Variants in ABLIM2 observed in about 807,000 individuals in gnomAD.
ABLIM2 encodes actin binding LIM protein family member 2.
Under a neutral mutation model 97.7 loss-of-function variants are expected in ABLIM2, and 53 were observed. That is an observed-to-expected ratio of 0.54 (90% CI 0.44 to 0.68). The LOEUF (loss-of-function observed/expected upper bound fraction) is 0.68. ABLIM2 is among the 30% of genes least tolerant of loss of function. The pLI, the probability that ABLIM2 is intolerant of heterozygous loss-of-function variation, is 0.00. For missense variants in ABLIM2, 835 were observed against 867.2 expected (o/e 0.96, Z 0.47); for synonymous variants, 361 against 345.8 (o/e 1.04, Z -0.49).
In ABLIM2 at chr4:8,019,534, A is replaced by C. The variant is rs931814656; in HGVS notation, c.1423+84T>G. ...GTGCCTTCACTGCATTTATCAGAAC[A>C]CAACAAAAGGATGCATTCAGAAGCA... On this transcript the variant is annotated intron_variant, in intron 14 of 20. Transcript: ENST00000447017. This position sits in a 1 kb window ranked among gnomAD's most constrained non-coding sequence, Gnocchi z 4.3. 2.5e-5 allele frequency: 35 copies of C among 1,373,924 alleles called. No individual in the cohort carries two copies. The highest frequency in any genetic ancestry group is 3.3e-5 in the Non-Finnish European group (33 of 989,216). 85.1% of individuals were successfully genotyped at this position (1,373,924 alleles called of 1,614,324 possible).
At position 8,082,031 on chromosome 4, in the gene ABLIM2, G is replaced by A. The variant is rs1820207333; in HGVS notation, c.455-1229C>T. On this transcript the variant is annotated intron_variant, in intron 4 of 20. Transcript: ENST00000447017. The surrounding 1 kb of genome is among the most constrained non-coding windows in gnomAD (Gnocchi z 5.6). ...TGTGTCTGTGTGTTTGTCGAAGTGTGTGTCTGCGTGTGTTTAAGGGTGTGG... is the reference window on the plus strand; with the variant it reads ...TGTGTCTGTGTGTTTGTCGAAGTGTATGTCTGCGTGTGTTTAAGGGTGTGG... Among the ~76,000 whole-genome samples the A allele has an allele frequency of 6.6e-6, 1 of 152,186 alleles. No individual in the cohort carries two copies. The highest frequency in any genetic ancestry group is 2.1e-4 in the South Asian group (1 of 4,820).
intron 6 of ABLIM2, among the ~76,000 whole-genome samples, chr4:8,074,700 G>A (rs115622568): frequency 9.2e-4 from 140 of 151,494 alleles, no homozygotes; most frequent in African/African-American, 3.2e-3. Context: ...AAGGGTGTTC[G>A]CTGCAATGTT....
rs374151769 is a variant in ABLIM2, at chr4:8,031,618, C to A, written c.1048-1842G>T. ...TCCTCCTGCACCTCATAGTGCGTGA[C>A]CCTGGAAAGGTTATGTGACTTCCCT... On this transcript the variant is annotated intron_variant, in intron 10 of 20. Coordinates refer to ENST00000447017, the MANE Select transcript of ABLIM2 (RefSeq NM_001130083.2). Among the ~76,000 whole-genome samples the A allele has an allele frequency of 5.0e-4, 76 of 152,292 alleles. 2 individuals are homozygous for A. In the South Asian group the frequency reaches 0.015, roughly 31 times the overall value.
At position 8,140,785 on chromosome 4, in the gene ABLIM2, A is replaced by G. The variant is rs1850858051; in HGVS notation, c.10+17895T>C. Among the ~76,000 whole-genome samples the G allele has an allele frequency of 6.6e-6, 1 of 152,132 alleles. No individual in the cohort carries two copies. The highest frequency in any genetic ancestry group is 2.4e-5 in the African/African-American group (1 of 41,412). On this transcript the variant is annotated intron_variant, in intron 1 of 20. Transcript: ENST00000447017. The surrounding 1 kb of genome is among the most constrained non-coding windows in gnomAD (Gnocchi z 5.9). ...GAGGGAAAGGGCTGACGATATTCAG[A>G]AAAGAGTGCATTTACCCCAGCTCCT...
At chr4:8,051,166 C>G (rs1181384272) in intron 8 of ABLIM2, among the ~76,000 whole-genome samples, 1 of 152,258 alleles carries the variant, frequency 6.6e-6, no homozygotes, top group Non-Finnish European at 1.5e-5. Context: ...CCAGCCACCC[C>G]CCACCCCGCC....
intron 3 of ABLIM2, 69 bp downstream of exon 3, chr4:8,097,030 A>T (rs1160923147): frequency 6.7e-7 from 1 of 1,493,966 alleles, no homozygotes; most frequent in African/African-American, 1.4e-5. Context: ...GAAGAAGGGA[A>T]GGGAGGGAGG....
chr4:8,142,632 T>TG (rs1851163499), intron 1 of ABLIM2, among the ~76,000 whole-genome samples: 1 of 152,102 alleles, frequency 6.6e-6, no homozygotes, highest in Non-Finnish European at 1.5e-5. Context: ...TGGTGCATGG[T>TG]GGGCGCTGGC....
chr4:7,984,974 C>T (rs1577941425), intron 17 of ABLIM2, 81 bp from the exon 18 acceptor site: 1 of 1,465,008 alleles, frequency 6.8e-7, no homozygotes, highest in Non-Finnish European at 9.3e-7. Context: ...GAGATGTGGC[C>T]CCTTGGAGGC....
At chr4:8,074,279 T>A (rs1222539699) in intron 6 of ABLIM2, among the ~76,000 whole-genome samples, 1 of 151,886 alleles carries the variant, frequency 6.6e-6, no homozygotes, top group Non-Finnish European at 1.5e-5. Flanking sequence ...TACAGCAAGA[T>A]CCCTGTCTCT....
chr4:7,983,251 GT>G lies in ABLIM2; in HGVS notation c.1824+12del. On this transcript the variant is annotated intron_variant, in intron 20 of 20. Transcript: ENST00000447017. ...GGGAAATGAGTCCCCTGCCCCGGCAGTCCCCCGCTTACCTCCAGTCTCGTCC... is the reference window on the plus strand; with the variant it reads ...GGGAAATGAGTCCCCTGCCCCGGCAGCCCCCGCTTACCTCCAGTCTCGTCC... The G allele has an allele frequency of 6.2e-6, 10 of 1,605,504 alleles. No individual in the cohort carries two copies. The highest frequency in any genetic ancestry group is 8.5e-6 in the Non-Finnish European group (10 of 1,176,552).
intron 1 of ABLIM2, among the ~76,000 whole-genome samples, chr4:8,107,212 G>A (rs1008873991): frequency 1.3e-5 from 2 of 152,264 alleles, no homozygotes; most frequent in African/African-American, 4.8e-5. Context: ...CCACAGTACA[G>A]GACATTTAAG....
chr4:8,145,753 C>T (rs868039740), intron 1 of ABLIM2, among the ~76,000 whole-genome samples: 17,044 of 127,482 alleles, frequency 0.13, 1,139 homozygotes, highest in African/African-American at 0.21. Flanking sequence ...CATACACACA[C>T]ACACACACAC....
chr4:7,976,607 G>A (rs1002362870), intron 20 of ABLIM2, among the ~76,000 whole-genome samples: 8 of 152,028 alleles, frequency 5.3e-5, no homozygotes, highest in Non-Finnish European at 1.0e-4. Context: ...TCCTTTGCAC[G>A]GGTACTTTGT....
intron 12 of ABLIM2, among the ~76,000 whole-genome samples, chr4:8,026,166 C>A (rs1469309639): frequency 5.3e-5 from 8 of 152,156 alleles, no homozygotes; most frequent in Non-Finnish European, 1.5e-5. Context: ...ACCACCATGC[C>A]CGGCGTTTTT....
intron 12 of ABLIM2, 123 bp from the exon 13 acceptor site, chr4:8,020,426 G>C (rs1257244148): frequency 4.6e-6 from 4 of 871,308 alleles, no homozygotes; most frequent in Non-Finnish European, 7.4e-6. Flanking sequence ...GAGCAGCCCA[G>C]ATCCCCTGCC....
chr4:8,100,366 C>G (rs34535472), intron 2 of ABLIM2, among the ~76,000 whole-genome samples: 11,185 of 152,172 alleles, frequency 0.074, 733 homozygotes, highest in African/African-American at 0.17. Flanking sequence ...TGACCTTGAC[C>G]AAGTTACTTA....
chr4:8,119,054 A>ACAGTCC (rs1387434362), intron 1 of ABLIM2, among the ~76,000 whole-genome samples: 4 of 152,172 alleles, frequency 2.6e-5, no homozygotes, highest in Non-Finnish European at 4.4e-5. Flanking sequence ...GGCTTTGTCT[A>ACAGTCC]CAGTCCCATG....
rs1156970592 is a variant in ABLIM2, at chr4:8,019,720, A to G, written c.1370-49T>C. ...AGGAGAGAACAGGAGGGTAAGCAGC[A>G]AGTTGTGATGGTTTCTGTTCTACAG... On this transcript the variant is annotated intron_variant, in intron 13 of 20. Coordinates refer to ENST00000447017, the MANE Select transcript of ABLIM2 (RefSeq NM_001130083.2). This position sits in a 1 kb window ranked among gnomAD's most constrained non-coding sequence, Gnocchi z 4.3. 3 of 1,534,112 alleles carry G rather than the reference A, an allele frequency of 2.0e-6. No individual in the cohort carries two copies. The African/African-American group carries it at 4.1e-5, about 21-fold the overall frequency.
rs777502943 is a variant in ABLIM2, at chr4:8,106,622, G to A, written c.26C>T (p.Ala9Val). 1.1e-5 allele frequency: 18 copies of A among 1,609,466 alleles called. No individual in the cohort carries two copies. In the East Asian group the frequency reaches 4.0e-4, roughly 36 times the overall value. Reference protein sequence around the residue: MSAVSQPQAAPSPLEKSPS... With the variant: MSAVSQPQVAPSPLEKSPS... The stretch of plus-strand genomic sequence containing the variant: ...CGACTTCTCCAGCGGGCTGGGAGCA[G>A]CCTGGGGCTGCGACACTGTTGGGAA... The change falls in exon 2 of 21, where the codon GCT becomes GTT. Residue 9 changes from alanine to valine, a missense_variant. Physicochemically the swap from Ala to Val is moderately conservative, Grantham distance 64. Coordinates refer to ENST00000447017, the MANE Select transcript of ABLIM2 (RefSeq NM_001130083.2).
Sources: gnomAD v4.1 joint callset for allele counts (sites outside exome capture counted in the v4.1 genomes callset) on GRCh38, gnomAD v4.1.1 for gene constraint, Gnocchi (gnomAD v3.1) non-coding constraint, MANE v1.5 for transcripts, NCBI Gene and HGNC (gene_info 2026-07-23, HGNC 2026-07-21) for gene names.